Variants in RAB14 observed in about 807,000 individuals in gnomAD.
RAB14 encodes RAB14, member RAS oncogene family, also known as ras-related protein Rab-14.
A neutral mutation model predicts 31.1 loss-of-function variants in RAB14; 3 were observed. The ratio of observed to expected loss-of-function variants is 0.10; its 90% CI spans 0.04 to 0.25. The LOEUF is 0.25. Among genes scored for constraint, RAB14 ranks in the 10% least tolerant of loss-of-function variants. The probability of loss-of-function intolerance (pLI) is 1.00; values close to 1 mark genes in which losing one functional copy is unlikely to be tolerated. For synonymous variants in RAB14, 85 were observed against 84.9 expected, an observed-to-expected ratio of 1.00 and a Z score of 0.00; for missense variants, 111 against 260.1, an observed-to-expected ratio of 0.43 and a Z score of 3.94.
chr9:121,186,227 G>C (rs1240123221), intron 5 of RAB14, among the ~76,000 whole-genome samples: 1 of 152,114 alleles, frequency 6.6e-6, no homozygotes, highest in Non-Finnish European at 1.5e-5. Context: ...CTGTAAAGCT[G>C]CTTTCTCTCC....
intron 4 of RAB14, 94 bp downstream of exon 4, chr9:121,190,460 A>C: frequency 8.6e-7 from 1 of 1,165,718 alleles, no homozygotes; most frequent in Middle Eastern, 2.2e-4. Flanking sequence ...ACAGTCATAC[A>C]ATTACAAACT....
chr9:121,198,576 T>G (rs2053731586), intron 1 of RAB14, among the ~76,000 whole-genome samples: 1 of 152,244 alleles, frequency 6.6e-6, no homozygotes, highest in South Asian at 2.1e-4. Flanking sequence ...TCCTTGTTAT[T>G]TCCACTGATA....
chr9:121,194,254 T>C (rs960887617), intron 1 of RAB14, among the ~76,000 whole-genome samples: 37 of 152,008 alleles, frequency 2.4e-4, no homozygotes, highest in African/African-American at 8.9e-4. Flanking sequence ...ATTAACAACA[T>C]AGTAAGTGCT....
rs1274900794 is a variant in RAB14, at chr9:121,180,437, C to T, written c.*959G>A. The T allele has an allele frequency of 1.3e-5, 2 of 152,624 alleles. No homozygotes were observed. Among genetic ancestry groups the T allele is most frequent in the African/African-American group, 2.4e-5 (1 of 41,446 alleles). 9.5% of individuals were successfully genotyped at this position (152,624 alleles called of 1,614,324 possible). On this transcript the variant is annotated 3_prime_UTR_variant, in exon 8 of 8. Transcript: ENST00000373840. ...ATTGCACAAGAACAGTTAAGAAAAT[C>T]AGCAGGTAAGCAACAGTGCAAAGAT... is the stretch of plus-strand genomic sequence containing the variant.
At chr9:121,187,073 C>G (rs920650412) in intron 4 of RAB14, 54 bp from the exon 5 acceptor site, 34 of 1,094,170 alleles carry the variant, frequency 3.1e-5, no homozygotes, top group Non-Finnish European at 4.4e-5. Context: ...AGAAAAAAAA[C>G]TTAAATATTT....
intron 4 of RAB14, among the ~76,000 whole-genome samples, chr9:121,188,026 C>T (rs1284179169): frequency 6.6e-6 from 1 of 151,904 alleles, no homozygotes; most frequent in Admixed American, 6.6e-5. Flanking sequence ...ATCTGTTATT[C>T]AAAGTATATA....
At chr9:121,191,974 A>T (rs2053689387) in intron 3 of RAB14, among the ~76,000 whole-genome samples, 197 bp downstream of exon 3, 1 of 152,140 alleles carries the variant, frequency 6.6e-6, no homozygotes, top group South Asian at 2.1e-4. Context: ...AGCAAATCAG[A>T]TTATATAATG....
chr9:121,190,569 A>C lies in RAB14; in HGVS notation c.269T>G (p.Val90Gly). Residue 90 changes from valine to glycine, a missense_variant, in exon 4 of 8, where the codon GTC becomes GGC. By Grantham distance (109) the Val-to-Gly change is moderately radical. Coordinates refer to ENST00000373840, the MANE Select transcript of RAB14 (RefSeq NM_016322.4). Reference protein sequence around the residue: ...YYRGAAGALMVYDITRRSTYN... With the variant: ...YYRGAAGALMGYDITRRSTYN... Reference sequence around the variant, plus strand: ...TATCTCTTACCTAGTGATATCATAGACCATAAGAGCTCCCGCAGCTCCTCT... The same window carrying C: ...TATCTCTTACCTAGTGATATCATAGCCCATAAGAGCTCCCGCAGCTCCTCT... 1.2e-6 allele frequency: 2 copies of C among 1,611,544 alleles called. No homozygotes were observed. Among genetic ancestry groups the C allele is most frequent in the Non-Finnish European group, 1.7e-6 (2 of 1,178,670 alleles).
At chr9:121,188,499 T>C (rs900264074) in intron 4 of RAB14, among the ~76,000 whole-genome samples, 11 of 151,394 alleles carry the variant, frequency 7.3e-5, no homozygotes, top group African/African-American at 2.4e-4. Context: ...TTTAAATCTA[T>C]AAATAAATAT....
chr9:121,198,983 A>C (rs954814927), intron 1 of RAB14, among the ~76,000 whole-genome samples: 1 of 152,172 alleles, frequency 6.6e-6, no homozygotes, highest in African/African-American at 2.4e-5. Flanking sequence ...TGTCACTTTT[A>C]TATAAATAAT....
At chr9:121,183,006 C>T in intron 6 of RAB14, 46 bp from the exon 7 acceptor site, 1 of 1,537,120 alleles carries the variant, frequency 6.5e-7, no homozygotes. Context: ...CAAACTAACT[C>T]ACAAGTGCAC....
chr9:121,187,957 T>A (rs2053666652), intron 4 of RAB14, among the ~76,000 whole-genome samples: 1 of 152,020 alleles, frequency 6.6e-6, no homozygotes. Context: ...CCTTTAAGTG[T>A]TTCTAGTTTA....
At chr9:121,197,793 T>G (rs2053726384) in intron 1 of RAB14, among the ~76,000 whole-genome samples, 1 of 152,168 alleles carries the variant, frequency 6.6e-6, no homozygotes, top group Non-Finnish European at 1.5e-5. Context: ...CTTCAGCCCA[T>G]AAGGCTACAG....
chr9:121,197,926 A>G (rs2132030096), intron 1 of RAB14, among the ~76,000 whole-genome samples: 1 of 152,262 alleles, frequency 6.6e-6, no homozygotes, highest in African/African-American at 2.4e-5. Flanking sequence ...AACCATTTTG[A>G]TTGATATGCA....
intron 1 of RAB14, among the ~76,000 whole-genome samples, chr9:121,198,645 T>C (rs1435598605): frequency 6.6e-6 from 1 of 152,226 alleles, no homozygotes; most frequent in Non-Finnish European, 1.5e-5. Context: ...AGAGCTGAGA[T>C]GGACTGCTTC....
chr9:121,181,111 G>T lies in RAB14; in HGVS notation c.*285C>A. 1 of 257,710 alleles carries T rather than the reference G, an allele frequency of 3.9e-6. No homozygotes were observed. 16.0% of individuals were successfully genotyped at this position (257,710 alleles called of 1,614,324 possible). Reference sequence around the variant, plus strand: ...ATCATGAAGTCCAGCATCAGTGCTCGGTTTAAATCATATATTGGTGACATA... The same window carrying T: ...ATCATGAAGTCCAGCATCAGTGCTCTGTTTAAATCATATATTGGTGACATA... On this transcript the variant is annotated 3_prime_UTR_variant, in exon 8 of 8. Coordinates refer to ENST00000373840, the MANE Select transcript of RAB14 (RefSeq NM_016322.4).
intron 1 of RAB14, 67 bp from the exon 2 acceptor site, chr9:121,193,486 G>T: frequency 9.6e-7 from 1 of 1,046,138 alleles, no homozygotes; most frequent in Non-Finnish European, 1.4e-6. Context: ...ACGGATGACT[G>T]ATATCCTTTA....
intron 1 of RAB14, among the ~76,000 whole-genome samples, chr9:121,198,664 C>G (rs955530151): frequency 2.0e-5 from 3 of 152,086 alleles, no homozygotes; most frequent in Non-Finnish European, 4.4e-5. Flanking sequence ...TCTGTAGTTC[C>G]AACATAAACA....
chr9:121,198,514 A>AT (rs1305415980), intron 1 of RAB14, among the ~76,000 whole-genome samples: 2 of 152,246 alleles, frequency 1.3e-5, no homozygotes, highest in East Asian at 3.8e-4. Context: ...CTGATCCAAG[A>AT]CATAACAAGG....
Sources: gnomAD v4.1 joint callset for allele counts (sites outside exome capture counted in the v4.1 genomes callset) on GRCh38, gnomAD v4.1.1 for gene constraint, MANE v1.5 for transcripts, NCBI Gene and HGNC (gene_info 2026-07-23, HGNC 2026-07-21) for gene names.